The following ARPC5L variants were observed in gnomAD, a reference collection of about 807,000 sequenced individuals.
ARPC5L encodes the protein actin-related protein 2/3 complex subunit 5-like protein.
In ARPC5L, 4 loss-of-function variants were observed where a neutral mutation model predicts 16.9. The observed-to-expected ratio is 0.24, with a 90% CI of 0.12 to 0.54. The LOEUF is 0.54. Ranked by LOEUF, ARPC5L falls within the 20% of genes least tolerant of loss-of-function variation. The pLI, the probability that ARPC5L is intolerant of heterozygous loss-of-function variation, is 0.95. For synonymous variants in ARPC5L, 78 were observed against 82.6 expected (o/e 0.94, Z 0.30); for missense variants, 151 against 201.9 (o/e 0.75, Z 1.53).
intron 1 of ARPC5L, among the ~76,000 whole-genome samples, chr9:124,863,394 G>T (rs561627227): frequency 6.6e-6 from 1 of 152,030 alleles, no homozygotes; most frequent in African/African-American, 2.4e-5. Context: ...TGATCCACCC[G>T]CCTCAGCCTC....
intron 5 of ARPC5L, 124 bp downstream of exon 5, chr9:124,875,275 C>T (rs139988443): frequency 0.023 from 24,988 of 1,104,786 alleles, 342 homozygotes; most frequent in Non-Finnish European, 0.027. Flanking sequence ...AGAGGACGAG[C>T]CCCAACCTGG....
chr9:124,874,266 C>CA (rs1232895100), intron 4 of ARPC5L, among the ~76,000 whole-genome samples: 1 of 152,246 alleles, frequency 6.6e-6, no homozygotes, highest in Non-Finnish European at 1.5e-5. Context: ...TGCACCTTCA[C>CA]AGAGTTCTGG....
chr9:124,876,611 C>A (rs1371435789), intron 5 of ARPC5L, among the ~76,000 whole-genome samples: 1 of 152,196 alleles, frequency 6.6e-6, no homozygotes, highest in African/African-American at 2.4e-5. Flanking sequence ...GAGTGAGACC[C>A]CATCTCAAAA....
Position 124,862,208 on chromosome 9 carries a change from GCA to G in ARPC5L, c.-1173_-1172del. ...GGGAAACCGAGGCCCAACGTGGGCG[GCA>G]GCTACCAGAGATGGCACACGGAGGA... On this transcript the variant is annotated 5_prime_UTR_variant, in exon 1 of 6. Coordinates refer to ENST00000353214, the MANE Select transcript of ARPC5L (RefSeq NM_030978.3). 1 of 402,870 alleles carries G rather than the reference GCA, an allele frequency of 2.5e-6. No individual in the cohort carries two copies. 25.0% of individuals were successfully genotyped at this position (402,870 alleles called of 1,614,324 possible). A position where few individuals can be genotyped will look rare whatever the true frequency, so the allele number is the denominator to read the frequency against.
chr9:124,868,663 G>C lies in ARPC5L; in HGVS notation c.-628G>C, dbSNP rs553049137. 2 of 152,420 alleles carry C rather than the reference G, an allele frequency of 1.3e-5. No individual in the cohort carries two copies. The highest frequency in any genetic ancestry group is 1.3e-4 in the Admixed American group (2 of 15,314). The allele number at this position is 152,420 out of a possible 1,614,324, so 9.4% of individuals were successfully genotyped here. A position where few individuals can be genotyped will look rare whatever the true frequency, so the allele number is the denominator to read the frequency against. On this transcript the variant is annotated 5_prime_UTR_variant, in exon 3 of 6. Transcript: ENST00000353214. The stretch of plus-strand genomic sequence containing the variant: ...CTACTCCTTTAAGAGGGTCACCTCT[G>C]TGTACAGGCGGCCTCCTCGTACTAA...
intron 5 of ARPC5L, among the ~76,000 whole-genome samples, chr9:124,876,477 A>T (rs911771426): frequency 1.3e-5 from 2 of 152,052 alleles, no homozygotes; most frequent in Admixed American, 6.6e-5. Context: ...CAAGAGCGAA[A>T]CTCCGTCTCA....
chr9:124,874,199 G>T (rs1829400762), intron 4 of ARPC5L, among the ~76,000 whole-genome samples: 1 of 152,236 alleles, frequency 6.6e-6, no homozygotes, highest in South Asian at 2.1e-4. Context: ...AGAGAAAGGG[G>T]TCTCCCTGCA....
At chr9:124,875,967 C>T (rs1346212185) in intron 5 of ARPC5L, among the ~76,000 whole-genome samples, 1 of 152,124 alleles carries the variant, frequency 6.6e-6, no homozygotes, top group Non-Finnish European at 1.5e-5. Flanking sequence ...GGCCTCCCCT[C>T]TCCTGGGCTC....
Position 124,877,042 on chromosome 9 carries a change from A to AACTATTT in ARPC5L, c.*103_*109dup. The AACTATTT allele has an allele frequency of 1.1e-6, 1 of 881,818 alleles. No individual in the cohort carries two copies. The highest frequency in any genetic ancestry group is 1.7e-6 in the Non-Finnish European group (1 of 576,702). 54.6% of individuals were successfully genotyped at this position (881,818 alleles called of 1,614,324 possible). A position where few individuals can be genotyped will look rare whatever the true frequency, so the allele number is the denominator to read the frequency against. On this transcript the variant is annotated 3_prime_UTR_variant, in exon 6 of 6. Transcript: ENST00000353214. ...CCATCTTCCTAGGAACTCCCAAGTA[A>AACTATTT]ACTATTTCAGGACATGTATCTGCTG...
Position 124,869,207 on chromosome 9 carries a change from C to T in ARPC5L, c.-84C>T. 2 of 1,340,438 alleles carry T rather than the reference C, an allele frequency of 1.5e-6. No homozygotes were observed. Among genetic ancestry groups the T allele is most frequent in the Non-Finnish European group, 9.6e-7 (1 of 1,038,956 alleles). 83.0% of individuals were successfully genotyped at this position (1,340,438 alleles called of 1,614,324 possible). A position where few individuals can be genotyped will look rare whatever the true frequency, so the allele number is the denominator to read the frequency against. On this transcript the variant is annotated 5_prime_UTR_variant, in exon 3 of 6. Coordinates refer to ENST00000353214, the MANE Select transcript of ARPC5L (RefSeq NM_030978.3). ...GAGCAGCCGGGCAGCCGCTTCCCGCCCCCGAGCAGGAGCCGGTGCGAGCGG... is the reference window on the plus strand; with the variant it reads ...GAGCAGCCGGGCAGCCGCTTCCCGCTCCCGAGCAGGAGCCGGTGCGAGCGG...
Position 124,869,443 on chromosome 9 carries a change from T to A in ARPC5L, c.149+4T>A. The stretch of plus-strand genomic sequence containing the variant: ...AGGTGGACGGGCTCCTGCGGCAATA[T>A]CCTTCCCTGACGCGGCGTCCGGGCC... On this transcript the variant is annotated splice_donor_region_variant and intron_variant, in intron 3 of 5. Transcript: ENST00000353214. The A allele has an allele frequency of 6.9e-7, 1 of 1,456,604 alleles. No homozygotes were observed. Among genetic ancestry groups the A allele is most frequent in the Non-Finnish European group, 9.0e-7 (1 of 1,105,350 alleles). The allele number at this position is 1,456,604 out of a possible 1,614,324, so 90.2% of individuals were successfully genotyped here. A position where few individuals can be genotyped will look rare whatever the true frequency, so the allele number is the denominator to read the frequency against.
At chr9:124,874,513 C>T (rs1055534917) in intron 4 of ARPC5L, among the ~76,000 whole-genome samples, 2 of 151,922 alleles carry the variant, frequency 1.3e-5, no homozygotes, top group Admixed American at 1.3e-4. Context: ...GGCAACATAG[C>T]GAGACTTTGT....
chr9:124,872,636 CTGA>C (rs1310749868), intron 3 of ARPC5L: 1 of 150,822 alleles, frequency 6.6e-6, no homozygotes, highest in African/African-American at 2.4e-5. Context: ...TTATCAGTGG[CTGA>C]TATCAGGCTG....
rs1308405102 is a variant in ARPC5L, at chr9:124,869,457, G to A, written c.149+18G>A. On this transcript the variant is annotated intron_variant, in intron 3 of 5. Coordinates refer to ENST00000353214, the MANE Select transcript of ARPC5L (RefSeq NM_030978.3). ...CTGCGGCAATATCCTTCCCTGACGC[G>A]GCGTCCGGGCCTGCGCGCGGCCTTC... The A allele has an allele frequency of 1.4e-6, 2 of 1,436,698 alleles. No homozygotes were observed. Among genetic ancestry groups the A allele is most frequent in the Admixed American group, 2.9e-5 (1 of 34,756 alleles). The allele number at this position is 1,436,698 out of a possible 1,614,324, so 89.0% of individuals were successfully genotyped here.
intron 3 of ARPC5L, 23 bp downstream of exon 3, chr9:124,869,462 C>A: frequency 1.4e-6 from 2 of 1,428,028 alleles, no homozygotes; most frequent in South Asian, 2.9e-5. Flanking sequence ...GACGCGGCGT[C>A]CGGGCCTGCG....
Position 124,869,279 on chromosome 9 carries a change from C to G in ARPC5L, c.-12C>G. The G allele has an allele frequency of 1.3e-6, 2 of 1,514,896 alleles. No individual in the cohort carries two copies. Among genetic ancestry groups the G allele is most frequent in the Non-Finnish European group, 1.8e-6 (2 of 1,132,254 alleles). 93.8% of individuals were successfully genotyped at this position (1,514,896 alleles called of 1,614,324 possible). A position where few individuals can be genotyped will look rare whatever the true frequency, so the allele number is the denominator to read the frequency against. On this transcript the variant is annotated 5_prime_UTR_variant, in exon 3 of 6. Transcript: ENST00000353214. ...CGAGCGGAGCCGGCTGAGCGGGCGC[C>G]GAGCTCCCGCCATGGCCCGGAACAC...
At position 124,874,998 on chromosome 9, in the gene ARPC5L, G is replaced by C. The variant is rs749948328; in HGVS notation, c.246G>C (p.Leu82=). 23 of 1,613,858 alleles carry C rather than the reference G, an allele frequency of 1.4e-5. No homozygotes were observed. The highest frequency in any genetic ancestry group is 1.8e-5 in the Non-Finnish European group (21 of 1,179,890). Residue 82 remains leucine (L), a synonymous_variant, in exon 5 of 6, where the codon CTG becomes CTC. Coordinates refer to ENST00000353214, the MANE Select transcript of ARPC5L (RefSeq NM_030978.3). ...AVKERAQGVV[L]KVLTNFKSSE... ...AGGAGCGAGCCCAGGGCGTGGTGCT[G>C]AAAGTGCTCACAAACTTCAAGAGCA...
At chr9:124,865,246 G>A (rs989707425) in intron 2 of ARPC5L, among the ~76,000 whole-genome samples, 5 of 148,314 alleles carry the variant, frequency 3.4e-5, no homozygotes, top group African/African-American at 1.2e-4. Flanking sequence ...GAACCCAGAG[G>A]CAGAGGTTGC....
chr9:124,867,792 ACTTTT>A (rs1228777317), intron 2 of ARPC5L, among the ~76,000 whole-genome samples: 8 of 143,282 alleles, frequency 5.6e-5, no homozygotes, highest in South Asian at 2.2e-4. Context: ...GACCCCTGAG[ACTTTT>A]CTTTTCTTTT....
Sources: allele counts gnomAD v4.1 joint callset (sites outside exome capture counted in the v4.1 genomes callset), GRCh38; gene constraint gnomAD v4.1.1; transcripts MANE v1.5; gene names NCBI Gene and HGNC (gene_info 2026-07-23, HGNC 2026-07-21).